The following TANK variants were observed in gnomAD, a reference collection of about 807,000 sequenced individuals.
TANK encodes TRAF family member-associated NF-kappa-B activator.
In TANK, 15 loss-of-function variants were observed where a neutral mutation model predicts 43.6. That is an observed-to-expected ratio of 0.34 (90% CI 0.23 to 0.53). TANK has a LOEUF of 0.53. TANK is among the 20% of genes least tolerant of loss of function. The pLI, the probability that TANK is intolerant of heterozygous loss-of-function variation, is 0.94. For missense variants in TANK, 417 were observed against 498.6 expected (o/e 0.84, Z 1.56); for synonymous variants, 162 against 178.2 (o/e 0.91, Z 0.73).
At chr2:161,182,671 A>T (rs1456343801) in intron 2 of TANK, among the ~76,000 whole-genome samples, 2 of 152,110 alleles carry the variant, frequency 1.3e-5, no homozygotes, top group African/African-American at 4.8e-5. Flanking sequence ...AAGTTCCCTG[A>T]ACCCTGTCCT....
At chr2:161,193,002 CCTTA>C (rs1293580307) in intron 2 of TANK, among the ~76,000 whole-genome samples, 3 of 152,168 alleles carry the variant, frequency 2.0e-5, no homozygotes, top group Non-Finnish European at 4.4e-5. Flanking sequence ...TTGGATGAAT[CCTTA>C]CTTTGTGATT....
intron 1 of TANK, among the ~76,000 whole-genome samples, chr2:161,148,774 A>AT (rs1333419709): frequency 6.6e-6 from 1 of 151,908 alleles, no homozygotes; most frequent in Non-Finnish European, 1.5e-5. Context: ...TGAAGAGACT[A>AT]TTTTTTCTCC....
intron 4 of TANK, chr2:161,212,088 T>C (rs1686919804): frequency 3.1e-6 from 2 of 650,206 alleles, no homozygotes; most frequent in Non-Finnish European, 3.8e-6. Flanking sequence ...TGAGACAGGG[T>C]CTCATTCTGT....
chr2:161,150,378 C>T lies in TANK; in HGVS notation c.-50+13315C>T, dbSNP rs62194212. ...TATTTCTTCTTCCTCTTTTTCTTATCGATTTAAAGTTTTGTCAATTTTCTT... is the reference window on the plus strand; with the variant it reads ...TATTTCTTCTTCCTCTTTTTCTTATTGATTTAAAGTTTTGTCAATTTTCTT... On this transcript the variant is annotated intron_variant, in intron 1 of 7. Coordinates refer to the TANK transcript ENST00000259075. Among the ~76,000 whole-genome samples the T allele has an allele frequency of 9.9e-3, 1,500 of 151,826 alleles. 13 individuals are homozygous for T. The highest frequency in any genetic ancestry group is 0.017 in the East Asian group (88 of 5,182).
chr2:161,149,721 C>T (rs1282145433), intron 1 of TANK, among the ~76,000 whole-genome samples: 2 of 145,904 alleles, frequency 1.4e-5, no homozygotes, highest in Non-Finnish European at 3.0e-5. Flanking sequence ...TGCCTTTTTG[C>T]GTCAGTGGAG....
chr2:161,187,206 G>A (rs571470497), intron 2 of TANK, among the ~76,000 whole-genome samples: 35 of 152,142 alleles, frequency 2.3e-4, no homozygotes, highest in Non-Finnish European at 3.8e-4. Flanking sequence ...CAGGTGGGTC[G>A]TTTGAGCACA....
intron 7 of TANK, 122 bp from the exon 8 acceptor site, chr2:161,235,220 C>G: frequency 1.2e-6 from 1 of 826,968 alleles, no homozygotes. Flanking sequence ...AAGTAATTTG[C>G]TTTTATATTA....
chr2:161,175,775 G>A (rs977425122), intron 1 of TANK, among the ~76,000 whole-genome samples: 3 of 152,056 alleles, frequency 2.0e-5, no homozygotes, highest in Non-Finnish European at 4.4e-5. Flanking sequence ...GACAAGAACC[G>A]ACTGCCCTCA....
At chr2:161,169,796 A>G (rs1451883056) in intron 1 of TANK, among the ~76,000 whole-genome samples, 1 of 152,144 alleles carries the variant, frequency 6.6e-6, no homozygotes, top group Non-Finnish European at 1.5e-5. Context: ...TGGTTCTTCC[A>G]TTTTCTAATT....
chr2:161,189,374 CTAAGAA>C (rs1685811048), intron 2 of TANK, among the ~76,000 whole-genome samples: 1 of 152,088 alleles, frequency 6.6e-6, no homozygotes, highest in African/African-American at 2.4e-5. Flanking sequence ...ACTCAACAAA[CTAAGAA>C]TAGAAGGAAA....
intron 4 of TANK, among the ~76,000 whole-genome samples, chr2:161,210,190 G>T (rs1686818621): frequency 6.6e-6 from 1 of 152,132 alleles, no homozygotes; most frequent in African/African-American, 2.4e-5. Flanking sequence ...TATAGCTGTG[G>T]AGCTGGCAAT....
At chr2:161,163,937 T>A (rs1002756318) in intron 1 of TANK, among the ~76,000 whole-genome samples, 1 of 152,216 alleles carries the variant, frequency 6.6e-6, no homozygotes. Context: ...TTTCAAATGC[T>A]TTTTGATCAC....
At chr2:161,161,685 C>CTT (rs1306881499) in intron 1 of TANK, 1 of 440,472 alleles carries the variant, frequency 2.3e-6, no homozygotes, top group East Asian at 4.4e-5. Flanking sequence ...ATATGTAGCT[C>CTT]TATTTTATTG....
intron 1 of TANK, among the ~76,000 whole-genome samples, chr2:161,141,286 A>T (rs1683739240): frequency 6.6e-6 from 1 of 152,122 alleles, no homozygotes; most frequent in Non-Finnish European, 1.5e-5. Flanking sequence ...ATATATTCTG[A>T]ATGTTTCATA....
Position 161,235,563 on chromosome 2 carries a change from G to T in TANK, c.*45G>T. 6.7e-7 allele frequency: 1 copy of T among 1,494,946 alleles called. No homozygotes were observed. Among genetic ancestry groups the T allele is most frequent in the Non-Finnish European group, 9.0e-7 (1 of 1,111,538 alleles). The allele number at this position is 1,494,946 out of a possible 1,614,324, so 92.6% of individuals were successfully genotyped here. On this transcript the variant is annotated 3_prime_UTR_variant, in exon 8 of 8. Coordinates refer to ENST00000392749, the MANE Select transcript of TANK (RefSeq NM_001199135.3). ...ATATCAAGTTCTATGTGATGATTTTGGGTTTTTAATACTATAAATACTTGA... is the reference window on the plus strand; with the variant it reads ...ATATCAAGTTCTATGTGATGATTTTTGGTTTTTAATACTATAAATACTTGA...
chr2:161,185,477 G>T (rs146869375), intron 2 of TANK, among the ~76,000 whole-genome samples: 105 of 151,766 alleles, frequency 6.9e-4, no homozygotes, highest in East Asian at 3.7e-3. Flanking sequence ...TGAGGTTTTT[G>T]GTTTTTTGTT....
chr2:161,160,409 G>A, upstream of TANK: 10 of 1,240,908 alleles, frequency 8.1e-6, no homozygotes, highest in Non-Finnish European at 1.0e-5. Flanking sequence ...GGAACAAAAT[G>A]CAACTTCCGG....
At chr2:161,162,513 T>G (rs1684489928) in intron 1 of TANK, 1 of 152,108 alleles carries the variant, frequency 6.6e-6, no homozygotes, top group African/African-American at 2.4e-5. Context: ...TCATCTTATC[T>G]CTTTCTTTCT....
chr2:161,170,311 A>T (rs952367805), intron 1 of TANK, among the ~76,000 whole-genome samples: 7 of 152,174 alleles, frequency 4.6e-5, no homozygotes, highest in Admixed American at 3.9e-4. Flanking sequence ...TAAGTTGATG[A>T]GTTGTGGAAG....
Sources: allele counts gnomAD v4.1 joint callset (sites outside exome capture counted in the v4.1 genomes callset), GRCh38; gene constraint gnomAD v4.1.1; transcripts MANE v1.5; gene names NCBI Gene and HGNC (gene_info 2026-07-23, HGNC 2026-07-21).